OXCT1: variants seen among roughly 807,000 people sequenced by gnomAD.
OXCT1 encodes succinyl-CoA:3-ketoacid coenzyme A transferase 1, mitochondrial.
Under a neutral mutation model 69.6 loss-of-function variants are expected in OXCT1, and 27 were observed. The ratio of observed to expected loss-of-function variants is 0.39; its 90% CI spans 0.29 to 0.54. OXCT1 has a LOEUF of 0.54. Ranked by LOEUF, OXCT1 falls within the 20% of genes least tolerant of loss-of-function variation. The pLI is 0.72. For missense variants in OXCT1, 437 were observed against 650.2 expected (o/e 0.67, Z 3.57); for synonymous variants, 202 against 217.8 (o/e 0.93, Z 0.64).
intron 14 of OXCT1, among the ~76,000 whole-genome samples, chr5:41,750,133 T>C (rs959081877): frequency 7.0e-6 from 1 of 141,944 alleles, no homozygotes; most frequent in Non-Finnish European, 1.5e-5. Context: ...GTGTGTTTTT[T>C]GGTTTTTTTT....
chr5:41,764,743 C>A (rs1271352423), intron 13 of OXCT1, among the ~76,000 whole-genome samples: 4 of 152,108 alleles, frequency 2.6e-5, no homozygotes, highest in African/African-American at 9.7e-5. Flanking sequence ...ATGAATTAAA[C>A]CAACAAAGGT....
At chr5:41,769,559 C>T (rs62360551) in intron 13 of OXCT1, among the ~76,000 whole-genome samples, 1 of 140,724 alleles carries the variant, frequency 7.1e-6, no homozygotes, top group African/African-American at 2.6e-5. Flanking sequence ...CCTATCTCTA[C>T]CAAAAAAAAA....
At chr5:41,779,507 AG>A (rs1745292054) in intron 13 of OXCT1, among the ~76,000 whole-genome samples, 2 of 152,216 alleles carry the variant, frequency 1.3e-5, no homozygotes, top group Non-Finnish European at 2.9e-5. Context: ...TTAGACCAAC[AG>A]AGAGAAAGTA....
chr5:41,741,006 A>C (rs1743136560), intron 15 of OXCT1, among the ~76,000 whole-genome samples: 1 of 150,276 alleles, frequency 6.7e-6, no homozygotes, highest in Non-Finnish European at 1.5e-5. Context: ...GCTGGAGTGC[A>C]ATGGCCCGAT....
At chr5:41,793,656 T>C (rs982029749) in intron 13 of OXCT1, among the ~76,000 whole-genome samples, 2 of 152,260 alleles carry the variant, frequency 1.3e-5, no homozygotes, top group African/African-American at 2.4e-5. Flanking sequence ...AACAAACTTG[T>C]TAATTGTTCT....
intron 1 of OXCT1, among the ~76,000 whole-genome samples, chr5:41,865,448 G>A (rs1037571048): frequency 2.0e-5 from 3 of 152,308 alleles, no homozygotes; most frequent in Admixed American, 2.0e-4. Context: ...GGTAATCTGA[G>A]AAGGGCTCAA....
intron 7 of OXCT1, among the ~76,000 whole-genome samples, chr5:41,813,238 C>T (rs1002665738): frequency 1.3e-5 from 2 of 151,996 alleles, no homozygotes; most frequent in Non-Finnish European, 2.9e-5. Context: ...TAAGCACCTA[C>T]TAGATTTGGC....
chr5:41,819,516 A>C (rs1747434340), intron 7 of OXCT1, among the ~76,000 whole-genome samples: 1 of 152,028 alleles, frequency 6.6e-6, no homozygotes, highest in Admixed American at 6.5e-5. Flanking sequence ...GATTACAGGC[A>C]TGCGCCACCA....
intron 15 of OXCT1, among the ~76,000 whole-genome samples, chr5:41,749,024 G>C (rs903819619): frequency 6.6e-6 from 1 of 152,028 alleles, no homozygotes; most frequent in African/African-American, 2.4e-5. Flanking sequence ...GAGAGTCACT[G>C]TGTGTTTTGA....
chr5:41,808,182 G>A (rs1185159445), intron 7 of OXCT1, among the ~76,000 whole-genome samples: 1 of 151,950 alleles, frequency 6.6e-6, no homozygotes, highest in Non-Finnish European at 1.5e-5. Flanking sequence ...CAGTTCAAAA[G>A]AACAAGGATC....
chr5:41,817,404 C>T (rs1486431664), intron 7 of OXCT1, among the ~76,000 whole-genome samples: 2 of 152,146 alleles, frequency 1.3e-5, no homozygotes, highest in Non-Finnish European at 2.9e-5. Context: ...TAATATTCTT[C>T]CCAGCACTTG....
Position 41,762,299 on chromosome 5 carries a change from A to C in OXCT1, c.1249-99T>G, listed in dbSNP as rs1395096091. The C allele has an allele frequency of 2.1e-6, 2 of 935,724 alleles. No homozygotes were observed. The highest frequency in any genetic ancestry group is 3.6e-6 in the Non-Finnish European group (2 of 562,616). 58.0% of individuals were successfully genotyped at this position (935,724 alleles called of 1,614,324 possible). On this transcript the variant is annotated intron_variant, in intron 13 of 16. Transcript: ENST00000196371. This position sits in a 1 kb window ranked among gnomAD's most constrained non-coding sequence, Gnocchi z 4.0. Reference sequence around the variant, plus strand: ...AAATAAGCTACTAGAATCATTAAAAACTCATTGTCCTTCATTGCTTAGTGC... The same window carrying C: ...AAATAAGCTACTAGAATCATTAAAACCTCATTGTCCTTCATTGCTTAGTGC...
At chr5:41,800,913 T>G in intron 11 of OXCT1, 109 bp downstream of exon 11, 1 of 926,214 alleles carries the variant, frequency 1.1e-6, no homozygotes, top group South Asian at 1.3e-5. Context: ...TCCTCAACAA[T>G]GAATACCATG....
intron 15 of OXCT1, among the ~76,000 whole-genome samples, chr5:41,748,888 C>A (rs530946532): frequency 2.0e-5 from 3 of 152,098 alleles, no homozygotes; most frequent in African/African-American, 7.2e-5. Context: ...TAAGTCATTC[C>A]GACATACTAG....
At chr5:41,818,908 A>C (rs951409413) in intron 7 of OXCT1, among the ~76,000 whole-genome samples, 1 of 150,750 alleles carries the variant, frequency 6.6e-6, no homozygotes, top group African/African-American at 2.4e-5. Context: ...GAAAGATTTG[A>C]AAAGTGACTC....
At chr5:41,805,261 TA>T (rs1746618397) in intron 9 of OXCT1, among the ~76,000 whole-genome samples, 1 of 152,050 alleles carries the variant, frequency 6.6e-6, no homozygotes, top group African/African-American at 2.4e-5. Flanking sequence ...TCATCTTGGG[TA>T]ATCTCTTTTC....
At chr5:41,840,312 G>C (rs1313866572) in intron 7 of OXCT1, 139 bp downstream of exon 7, 3 of 695,728 alleles carry the variant, frequency 4.3e-6, no homozygotes, top group Non-Finnish European at 7.6e-6. Context: ...TATTTAGATA[G>C]AATGGATCCA....
chr5:41,749,432 C>T (rs1743656852), intron 15 of OXCT1, 95 bp downstream of exon 15: 1 of 734,306 alleles, frequency 1.4e-6, no homozygotes, highest in South Asian at 1.5e-5. Flanking sequence ...TAAATTAATC[C>T]TATGACTACT....
intron 7 of OXCT1, among the ~76,000 whole-genome samples, chr5:41,828,348 T>G (rs1372347463): frequency 6.6e-6 from 1 of 151,860 alleles, no homozygotes; most frequent in Admixed American, 6.6e-5. Context: ...GGTCTCGAAC[T>G]CCTGACCTCA....
Sources: gnomAD v4.1 joint callset for allele counts (sites outside exome capture counted in the v4.1 genomes callset) on GRCh38, gnomAD v4.1.1 for gene constraint, Gnocchi (gnomAD v3.1) non-coding constraint, MANE v1.5 for transcripts, NCBI Gene and HGNC (gene_info 2026-07-23, HGNC 2026-07-21) for gene names.